The following FBXO36 variants were observed in gnomAD, a reference collection of about 807,000 sequenced individuals.
FBXO36 encodes F-box protein 36.
In FBXO36, 18 loss-of-function variants were observed where a neutral mutation model predicts 17.0. The ratio of observed to expected loss-of-function variants is 1.06; its 90% CI spans 0.73 to 1.57. The LOEUF (loss-of-function observed/expected upper bound fraction) is 1.57, where lower values mean the gene tolerates loss of function less well. Ranked by LOEUF, FBXO36 falls within the 40% of genes most tolerant of loss-of-function variation. The probability of loss-of-function intolerance (pLI) is 0.00; values close to 1 mark genes in which losing one functional copy is unlikely to be tolerated. For synonymous variants in FBXO36, 83 were observed against 85.3 expected, an observed-to-expected ratio of 0.97 and a Z score of 0.15; for missense variants, 229 against 221.9, an observed-to-expected ratio of 1.03 and a Z score of -0.20.
chr2:229,949,803 T>A (rs895616115), intron 1 of FBXO36, among the ~76,000 whole-genome samples: 2 of 152,056 alleles, frequency 1.3e-5, no homozygotes, highest in African/African-American at 2.4e-5. Context: ...CGGGCGCCTG[T>A]AGTCCCAGCT....
At chr2:229,997,735 C>T (rs1400685634) in intron 3 of FBXO36, among the ~76,000 whole-genome samples, 4 of 152,176 alleles carry the variant, frequency 2.6e-5, no homozygotes, top group South Asian at 2.1e-4. Context: ...CTTCCTTGCC[C>T]GAAGCTGACA....
In FBXO36 at chr2:229,928,813, T is replaced by C. The variant is rs2076924925; in HGVS notation, c.96+6204T>C. ...AATCTCATTCTGTCCCCCAGGCTGG[T>C]GTGTAGTGGTGCAGTCAGCTCACTG... On this transcript the variant is annotated intron_variant, in intron 1 of 3. Coordinates refer to ENST00000283946, the MANE Select transcript of FBXO36 (RefSeq NM_174899.5). 2.6e-5 allele frequency among the ~76,000 whole-genome samples: 4 copies of C among 151,978 alleles called. No individual in the cohort carries two copies. The South Asian group carries it at 8.3e-4, about 32-fold the overall frequency.
intron 1 of FBXO36, among the ~76,000 whole-genome samples, chr2:229,963,948 A>C (rs1210721232): frequency 6.6e-6 from 1 of 152,160 alleles, no homozygotes; most frequent in African/African-American, 2.4e-5. Flanking sequence ...GGATTTTGCT[A>C]GTCTGGATGG....
intron 3 of FBXO36, among the ~76,000 whole-genome samples, chr2:230,006,105 G>GTTTTTTT (rs577192144): frequency 4.9e-4 from 61 of 124,646 alleles, no homozygotes; most frequent in African/African-American, 1.8e-3. Context: ...TTTTATTTTA[G>GTTTTTTT]TTTTTTTTTT....
chr2:229,990,937 T>C (rs946033076), intron 2 of FBXO36, among the ~76,000 whole-genome samples: 3 of 152,002 alleles, frequency 2.0e-5, no homozygotes, highest in East Asian at 1.9e-4. Flanking sequence ...GTTTTCTTTC[T>C]TTTTTTTCCC....
intron 1 of FBXO36, among the ~76,000 whole-genome samples, chr2:229,940,940 T>G (rs997342484): frequency 6.6e-6 from 1 of 152,146 alleles, no homozygotes; most frequent in African/African-American, 2.4e-5. Context: ...TTCGCCTAAA[T>G]ATGTTAGTGG....
At position 229,930,701 on chromosome 2, in the gene FBXO36, C is replaced by T. The variant is rs547970207; in HGVS notation, c.96+8092C>T. On this transcript the variant is annotated intron_variant, in intron 1 of 3. Transcript: ENST00000283946. ...GGGAGGCAACAGTTGCAGTGAACCACGATTGCGCCACTGCACTCAAGCCTG... is the reference window on the plus strand; with the variant it reads ...GGGAGGCAACAGTTGCAGTGAACCATGATTGCGCCACTGCACTCAAGCCTG... Among the ~76,000 whole-genome samples the T allele has an allele frequency of 6.6e-5, 10 of 152,250 alleles. No homozygotes were observed. In the South Asian group the frequency reaches 1.7e-3, roughly 25 times the overall value.
chr2:229,927,268 TTAATGAC>T (rs2076918287), intron 1 of FBXO36, among the ~76,000 whole-genome samples: 1 of 152,252 alleles, frequency 6.6e-6, no homozygotes, highest in Admixed American at 6.5e-5. Context: ...TAAAAACACT[TTAATGAC>T]TAATCTTTTA....
intron 3 of FBXO36, among the ~76,000 whole-genome samples, chr2:230,002,366 T>TC (rs201882610): frequency 6.6e-5 from 10 of 151,634 alleles, no homozygotes; most frequent in South Asian, 2.1e-4. Flanking sequence ...CTCTGTTTTT[T>TC]CCCCCCCGTA....
intron 2 of FBXO36, among the ~76,000 whole-genome samples, chr2:229,986,113 T>C (rs1032577231): frequency 1.3e-5 from 2 of 152,148 alleles, no homozygotes; most frequent in African/African-American, 4.8e-5. Context: ...CCTCTGACCC[T>C]GTGTTTCTAG....
intron 3 of FBXO36, among the ~76,000 whole-genome samples, chr2:230,007,037 T>G (rs1284483885): frequency 5.3e-5 from 8 of 152,218 alleles, no homozygotes; most frequent in Non-Finnish European, 2.9e-5. Context: ...CCTGGAGCTG[T>G]GGATGAGCAA....
chr2:229,933,163 C>T lies in FBXO36; in HGVS notation c.96+10554C>T, dbSNP rs189786312. On this transcript the variant is annotated intron_variant, in intron 1 of 3. Transcript: ENST00000283946. ...CTGTAATCCATTTGGGAGGACGAGG[C>T]GGGTGGATCACCTGAGGTCAGGAGT... Among the ~76,000 whole-genome samples, 118 of 152,214 alleles carry T rather than the reference C, an allele frequency of 7.8e-4. 2 individuals carry two copies. The highest frequency in any genetic ancestry group is 2.6e-3 in the African/African-American group (109 of 41,542).
chr2:229,930,439 CT>C (rs2076933282), intron 1 of FBXO36, among the ~76,000 whole-genome samples: 1 of 152,118 alleles, frequency 6.6e-6, no homozygotes, highest in Non-Finnish European at 1.5e-5. Flanking sequence ...GTCCCTTATT[CT>C]TCCCTCTTCC....
chr2:229,987,126 G>A (rs1207730970), intron 2 of FBXO36, among the ~76,000 whole-genome samples: 2 of 150,348 alleles, frequency 1.3e-5, no homozygotes, highest in Non-Finnish European at 3.0e-5. Context: ...AGGCTGAGTC[G>A]TTTGAACCCA....
intron 2 of FBXO36, among the ~76,000 whole-genome samples, chr2:229,990,162 A>G (rs1057096561): frequency 8.0e-5 from 12 of 150,734 alleles, no homozygotes; most frequent in East Asian, 1.9e-4. Flanking sequence ...TTTTTCCTCT[A>G]TAAGAGGGGA....
chr2:230,008,815 G>C (rs547190365), intron 3 of FBXO36, among the ~76,000 whole-genome samples: 5 of 152,210 alleles, frequency 3.3e-5, no homozygotes, highest in Non-Finnish European at 7.3e-5. Context: ...AATCTGAGTA[G>C]AGGAACTAAA....
Position 229,981,713 on chromosome 2 carries a change from AAAAAG to A in FBXO36, c.205+5368_205+5372del, listed in dbSNP as rs1256303413. 2.0e-5 allele frequency among the ~76,000 whole-genome samples: 3 copies of A among 149,238 alleles called. 1 individual carries two copies. Among genetic ancestry groups the A allele is most frequent in the Non-Finnish European group, 3.0e-5 (2 of 66,872 alleles). On this transcript the variant is annotated intron_variant, in intron 2 of 3. Transcript: ENST00000283946. Reference sequence around the variant, plus strand: ...TGAGACCCTGTCTCAAAAAAAAAAAAAAAAGAAAGAAAGAAAAAGGAAAAGAAAAA... The same window carrying A: ...TGAGACCCTGTCTCAAAAAAAAAAAAAAAGAAAGAAAAAGGAAAAGAAAAA...
chr2:229,963,307 G>A (rs77719250), intron 1 of FBXO36, among the ~76,000 whole-genome samples: 6 of 150,616 alleles, frequency 4.0e-5, no homozygotes, highest in Admixed American at 1.3e-4. Flanking sequence ...CTCGTGATCC[G>A]CCCACCTCGG....
At chr2:229,956,446 C>T (rs73998711) in intron 1 of FBXO36, among the ~76,000 whole-genome samples, 2,627 of 152,206 alleles carry the variant, frequency 0.017, 68 homozygotes, top group African/African-American at 0.06. Context: ...AGAAAATATC[C>T]GCAAAGCAGT....
Sources: gnomAD v4.1 joint callset for allele counts (sites outside exome capture counted in the v4.1 genomes callset) on GRCh38, gnomAD v4.1.1 for gene constraint, MANE v1.5 for transcripts, NCBI Gene and HGNC (gene_info 2026-07-23, HGNC 2026-07-21) for gene names.